The following SEPTIN11 variants were observed in gnomAD, a reference collection of about 807,000 sequenced individuals.
SEPTIN11 encodes the protein septin 11, also known as septin-11.
In SEPTIN11, 25 loss-of-function variants were observed where a neutral mutation model predicts 51.4. The observed-to-expected ratio is 0.49, with a 90% CI of 0.35 to 0.68. The LOEUF (loss-of-function observed/expected upper bound fraction) is 0.68, where lower values mean the gene tolerates loss of function less well. Among genes scored for constraint, SEPTIN11 ranks in the 30% least tolerant of loss-of-function variants. The pLI is 0.00. For synonymous variants in SEPTIN11, 174 were observed against 184.1 expected (o/e 0.95, Z 0.44); for missense variants, 381 against 520.8 (o/e 0.73, Z 2.61).
At chr4:77,020,765 T>C in intron 7 of SEPTIN11, 95 bp downstream of exon 7, 1 of 1,184,136 alleles carries the variant, frequency 8.4e-7, no homozygotes, top group East Asian at 2.5e-5. Context: ...GAGATGGTGA[T>C]GATGGAAGGA....
chr4:77,036,569 C>CT lies in SEPTIN11; in HGVS notation c.*2063dup. 1 of 1,417,976 alleles carries CT rather than the reference C, an allele frequency of 7.1e-7. No homozygotes were observed. The highest frequency in any genetic ancestry group is 2.6e-5 in the East Asian group (1 of 37,980). 87.8% of individuals were successfully genotyped at this position (1,417,976 alleles called of 1,614,324 possible). On this transcript the variant is annotated 3_prime_UTR_variant, in exon 10 of 10. Transcript: ENST00000264893. Reference sequence around the variant, plus strand: ...ATTCCAAGATTATTGATTGGATTGACTTTTTTGCATTAAATTTTTCCCAGC... The same window carrying CT: ...ATTCCAAGATTATTGATTGGATTGACTTTTTTTGCATTAAATTTTTCCCAGC...
At chr4:77,027,984 C>T (rs1203642207) in intron 7 of SEPTIN11, among the ~76,000 whole-genome samples, 1 of 152,154 alleles carries the variant, frequency 6.6e-6, no homozygotes, top group East Asian at 1.9e-4. Context: ...CAATTTTCTA[C>T]AGTACCTTTA....
rs574013870 is a variant in SEPTIN11 at position 76,974,633 on chromosome 4, C to T, written c.28-21792C>T. 35 of 402,524 alleles carry T rather than the reference C, an allele frequency of 8.7e-5. 1 individual carries two copies. The highest frequency in any genetic ancestry group is 3.5e-4 in the African/African-American group (17 of 48,520). 24.9% of individuals were successfully genotyped at this position (402,524 alleles called of 1,614,324 possible). ...GTCATTTGTAGACAGATTCTTCAGT[C>T]GTTTCACACTGCCAAGTGGAGAAAA... On this transcript the variant is annotated intron_variant, in intron 1 of 9. Transcript: ENST00000264893.
chr4:77,008,698 T>C (rs1724655601), intron 3 of SEPTIN11, among the ~76,000 whole-genome samples: 1 of 152,108 alleles, frequency 6.6e-6, no homozygotes, highest in Non-Finnish European at 1.5e-5. Context: ...GTATGTTTTA[T>C]GGCTGGAGGT....
chr4:77,026,273 G>C (rs184490957), intron 7 of SEPTIN11, among the ~76,000 whole-genome samples: 4 of 152,202 alleles, frequency 2.6e-5, no homozygotes, highest in Non-Finnish European at 1.5e-5. Context: ...CAATCAAGTT[G>C]AATAGATTCT....
intron 1 of SEPTIN11, among the ~76,000 whole-genome samples, chr4:76,951,708 G>A (rs1326852456): frequency 6.6e-6 from 1 of 152,136 alleles, no homozygotes; most frequent in African/African-American, 2.4e-5. Context: ...GGATGGAGGA[G>A]GTGGAAGAAA....
At chr4:76,987,248 T>G (rs1315159645) in intron 1 of SEPTIN11, among the ~76,000 whole-genome samples, 1 of 152,134 alleles carries the variant, frequency 6.6e-6, no homozygotes, top group Non-Finnish European at 1.5e-5. Context: ...TACCATATGG[T>G]TTTTCTCTTA....
At chr4:76,953,141 G>A (rs964623231) in intron 1 of SEPTIN11, among the ~76,000 whole-genome samples, 2 of 152,202 alleles carry the variant, frequency 1.3e-5, no homozygotes, top group African/African-American at 2.4e-5. Context: ...CTTAATTGCT[G>A]TTTTATCTGT....
downstream of SEPTIN11, chr4:77,038,734 G>GCCATTTGAAGTCTACC: frequency 2.5e-6 from 2 of 811,722 alleles, no homozygotes; most frequent in Non-Finnish European, 3.1e-6. Context: ...TCGTGTGGTA[G>GCCATTTGAAGTCTACC]ACTTCAAATG....
chr4:77,005,599 A>C lies in SEPTIN11; in HGVS notation c.143-2A>C. 1 of 1,611,648 alleles carries C rather than the reference A, an allele frequency of 6.2e-7. No individual in the cohort carries two copies. The highest frequency in any genetic ancestry group is 1.7e-5 in the Admixed American group (1 of 59,814). On this transcript the variant is annotated splice_acceptor_variant, in intron 2 of 9. Coordinates refer to ENST00000264893, the MANE Select transcript of SEPTIN11 (RefSeq NM_018243.4). LOFTEE classifies it high-confidence loss of function. ...TCTGATTTTTCTTTTGTGGTTATGT[A>C]GGTGAGACAGGCATTGGCAAATCCA... is the stretch of plus-strand genomic sequence containing the variant.
intron 8 of SEPTIN11, among the ~76,000 whole-genome samples, chr4:77,030,432 C>T (rs1260319003): frequency 6.6e-6 from 1 of 152,120 alleles, no homozygotes; most frequent in Non-Finnish European, 1.5e-5. Context: ...GACGGAGTCT[C>T]TGTCACCCAG....
chr4:76,995,573 A>G (rs1366206769), intron 1 of SEPTIN11, among the ~76,000 whole-genome samples: 1 of 152,146 alleles, frequency 6.6e-6, no homozygotes, highest in Non-Finnish European at 1.5e-5. Flanking sequence ...CATAACCATG[A>G]TATTATAACT....
intron 4 of SEPTIN11, among the ~76,000 whole-genome samples, chr4:77,013,889 G>A (rs1370721799): frequency 5.3e-5 from 8 of 152,116 alleles, no homozygotes; most frequent in African/African-American, 1.9e-4. Context: ...TCTATATATC[G>A]GATGTCAGTA....
chr4:76,956,767 G>T (rs1721572436), intron 1 of SEPTIN11, among the ~76,000 whole-genome samples: 1 of 152,176 alleles, frequency 6.6e-6, no homozygotes, highest in African/African-American at 2.4e-5. Flanking sequence ...GAGTGGCTCT[G>T]AAAGACCCTT....
intron 5 of SEPTIN11, among the ~76,000 whole-genome samples, chr4:77,016,615 C>CATATATATATATATACACACATATAT (rs1725271049): frequency 5.1e-5 from 4 of 79,192 alleles, no homozygotes; most frequent in Non-Finnish European, 1.0e-4. Flanking sequence ...TATATATACA[C>CATATATATATATATACACACATATAT]ATATATATAT....
chr4:76,970,031 C>T (rs564894283), intron 1 of SEPTIN11, among the ~76,000 whole-genome samples: 2 of 152,286 alleles, frequency 1.3e-5, no homozygotes, highest in Admixed American at 6.5e-5. Flanking sequence ...AGCTCAACTC[C>T]CAGCATGACA....
At chr4:77,005,523 A>G in intron 2 of SEPTIN11, 78 bp from the exon 3 acceptor site, 1 of 1,300,160 alleles carries the variant, frequency 7.7e-7, no homozygotes, top group Non-Finnish European at 1.1e-6. Context: ...ATCATGACTA[A>G]TAAAAAATAC....
intron 1 of SEPTIN11, among the ~76,000 whole-genome samples, chr4:76,958,211 C>G (rs1274797089): frequency 2.7e-5 from 4 of 147,794 alleles, no homozygotes; most frequent in Non-Finnish European, 6.0e-5. Flanking sequence ...ACTTTCTGCC[C>G]CAGGCTTCTC....
intron 1 of SEPTIN11, among the ~76,000 whole-genome samples, chr4:76,994,805 T>G (rs1264659851): frequency 6.6e-6 from 1 of 151,956 alleles, no homozygotes; most frequent in East Asian, 1.9e-4. Flanking sequence ...AGTCCTTGCT[T>G]GTTAAAAGAA....
Sources: gnomAD v4.1 joint callset for allele counts (sites outside exome capture counted in the v4.1 genomes callset) on GRCh38, gnomAD v4.1.1 for gene constraint, MANE v1.5 for transcripts, NCBI Gene and HGNC (gene_info 2026-07-23, HGNC 2026-07-21) for gene names.